The following FBXO22 variants were observed in gnomAD, a reference collection of about 807,000 sequenced individuals.
FBXO22 encodes the protein F-box only protein 22.
FBXO22 carries 13 observed loss-of-function variants against 37.2 expected under a neutral mutation model. That is an observed-to-expected ratio of 0.35 (90% confidence interval 0.23 to 0.56). The LOEUF (loss-of-function observed/expected upper bound fraction) is 0.56, where lower values mean the gene tolerates loss of function less well. Among genes scored for constraint, FBXO22 ranks in the 20% least tolerant of loss-of-function variants. The pLI is 0.87. For synonymous variants in FBXO22, 189 were observed against 189.1 expected (o/e 1.00, Z 0.00); for missense variants, 446 against 509.9 (o/e 0.87, Z 1.21).
chr15:75,930,846 A>G, intron 6 of FBXO22: 2 of 985,230 alleles, frequency 2.0e-6, no homozygotes, highest in Non-Finnish European at 2.4e-6. Context: ...GAGTGGTGAC[A>G]TGGGGACAGA....
intron 2 of FBXO22, among the ~76,000 whole-genome samples, chr15:75,912,201 G>A (rs1413311869): frequency 6.6e-6 from 1 of 151,954 alleles, no homozygotes; most frequent in Non-Finnish European, 1.5e-5. Flanking sequence ...TTTTCATATC[G>A]ATATTCAGGG....
chr15:75,918,565 T>G (rs1280788041), intron 5 of FBXO22, among the ~76,000 whole-genome samples: 2 of 152,198 alleles, frequency 1.3e-5, no homozygotes, highest in Non-Finnish European at 2.9e-5. Context: ...CCATGTTTAT[T>G]GCAGCACTGT....
intron 5 of FBXO22, among the ~76,000 whole-genome samples, chr15:75,918,302 A>G (rs906140141): frequency 6.6e-6 from 1 of 152,020 alleles, no homozygotes; most frequent in Non-Finnish European, 1.5e-5. Context: ...TAGTTTTTAC[A>G]ACTATCCCTG....
At chr15:75,912,478 T>G (rs1351393224) in intron 2 of FBXO22, among the ~76,000 whole-genome samples, 1 of 152,242 alleles carries the variant, frequency 6.6e-6, no homozygotes, top group Non-Finnish European at 1.5e-5. Flanking sequence ...GGATTCGACT[T>G]CTTCCTGGTT....
chr15:75,914,970 T>A (rs1365308838), intron 4 of FBXO22, among the ~76,000 whole-genome samples: 2 of 152,146 alleles, frequency 1.3e-5, no homozygotes, highest in Non-Finnish European at 2.9e-5. Context: ...TAGCTGTCAT[T>A]TATGTATTGT....
At position 75,938,287 on chromosome 15, in the gene FBXO22, TAAA is replaced by T. The variant is rs913164492; in HGVS notation, c.*5190_*5192del. 2 of 151,524 alleles carry T rather than the reference TAAA, an allele frequency of 1.3e-5. No homozygotes were observed. Among genetic ancestry groups the T allele is most frequent in the Non-Finnish European group, 2.9e-5 (2 of 67,836 alleles). 9.4% of individuals were successfully genotyped at this position (151,524 alleles called of 1,614,324 possible). A position where few individuals can be genotyped will look rare whatever the true frequency, so the allele number is the denominator to read the frequency against. ...ACAAATGGATGACAGCTTTTAAAAA[TAAA>T]AAAACAATGAACCAGAAAACCGTGG... On this transcript the variant is annotated 3_prime_UTR_variant, in exon 7 of 7. Coordinates refer to ENST00000308275, the MANE Select transcript of FBXO22 (RefSeq NM_147188.3).
chr15:75,904,166 T>C (rs1407146331), intron 1 of FBXO22, 63 bp downstream of exon 1: 45 of 1,476,562 alleles, frequency 3.0e-5, no homozygotes, highest in Non-Finnish European at 4.1e-5. Flanking sequence ...TGTCCCAGGC[T>C]GGCGGGGTGG....
chr15:75,909,429 A>C (rs996280514), intron 2 of FBXO22, among the ~76,000 whole-genome samples: 29 of 152,186 alleles, frequency 1.9e-4, no homozygotes, highest in African/African-American at 6.8e-4. Flanking sequence ...CCTTGCTGGC[A>C]AGCCTGGAAA....
chr15:75,907,964 A>G (rs1899965658), intron 2 of FBXO22, among the ~76,000 whole-genome samples: 1 of 152,058 alleles, frequency 6.6e-6, no homozygotes, highest in Non-Finnish European at 1.5e-5. Flanking sequence ...AATTTTTTTA[A>G]AGTCCACCAA....
Position 75,942,285 on chromosome 15 carries a change from A to G in FBXO22, c.*9183A>G, listed in dbSNP as rs1368839620. On this transcript the variant is annotated 3_prime_UTR_variant, in exon 7 of 7. Coordinates refer to ENST00000308275, the MANE Select transcript of FBXO22 (RefSeq NM_147188.3). ...ATCCATAAAGACATACAACAAAAAG[A>G]GGACCCTTCATGTAAATTACAGGCT... The G allele has an allele frequency of 6.6e-6, 1 of 152,214 alleles. No individual in the cohort carries two copies. The highest frequency in any genetic ancestry group is 2.4e-5 in the African/African-American group (1 of 41,450). The allele number at this position is 152,214 out of a possible 1,614,324, so 9.4% of individuals were successfully genotyped here. A position where few individuals can be genotyped will look rare whatever the true frequency, so the allele number is the denominator to read the frequency against.
In FBXO22 at chr15:75,906,686, C is replaced by T. The variant is rs148868806; in HGVS notation, c.279+2057C>T. Among the ~76,000 whole-genome samples, 16 of 152,244 alleles carry T rather than the reference C, an allele frequency of 1.1e-4. No individual in the cohort carries two copies. The East Asian group carries it at 2.9e-3, about 28-fold the overall frequency. ...TGTTTGGGCTCTGGAACTCTCATTC[C>T]AGGGAGCTGGCCAGTATCCAAAGGC... On this transcript the variant is annotated intron_variant, in intron 2 of 6. Transcript: ENST00000308275.
chr15:75,933,186 C>A lies in FBXO22; in HGVS notation c.*84C>A. On this transcript the variant is annotated 3_prime_UTR_variant, in exon 7 of 7. Transcript: ENST00000308275. ...AAACTTGGGCCATGTGTATTTCAAA[C>A]AAAAATAACTTTAGATATATCTTTT... 1.7e-6 allele frequency: 2 copies of A among 1,161,060 alleles called. No homozygotes were observed. The highest frequency in any genetic ancestry group is 2.4e-6 in the Non-Finnish European group (2 of 821,036). The allele number at this position is 1,161,060 out of a possible 1,614,324, so 71.9% of individuals were successfully genotyped here.
chr15:75,910,467 G>C (rs1370122820), intron 2 of FBXO22: 1 of 152,118 alleles, frequency 6.6e-6, no homozygotes, highest in Non-Finnish European at 1.5e-5. Context: ...ACTCTAACTG[G>C]CATGAGATGG....
intron 2 of FBXO22, among the ~76,000 whole-genome samples, 197 bp downstream of exon 2, chr15:75,904,826 C>CTTTTTT (rs3991408): frequency 7.3e-6 from 1 of 136,116 alleles, no homozygotes. Context: ...AATGTTGGGC[C>CTTTTTT]TTTTTTTTTT....
At chr15:75,904,300 G>A (rs779526889) in intron 1 of FBXO22, 191 bp from the exon 2 acceptor site, 20 of 1,093,180 alleles carry the variant, frequency 1.8e-5, no homozygotes, top group Non-Finnish European at 2.6e-5. Flanking sequence ...GAGGGGCGAA[G>A]TTCCCCTTAA....
In FBXO22 at chr15:75,933,150, T is replaced by C. The variant is rs763512213; in HGVS notation, c.*48T>C. 1 of 1,499,722 alleles carries C rather than the reference T, an allele frequency of 6.7e-7. No homozygotes were observed. The highest frequency in any genetic ancestry group is 1.4e-5 in the African/African-American group (1 of 71,362). 92.9% of individuals were successfully genotyped at this position (1,499,722 alleles called of 1,614,324 possible). ...ATGTAACTTTTGGGTTCTGCCTTTT[T>C]CAGAAAATGGAAACTTGGGCCATGT... On this transcript the variant is annotated 3_prime_UTR_variant, in exon 7 of 7. Coordinates refer to ENST00000308275, the MANE Select transcript of FBXO22 (RefSeq NM_147188.3).
rs1254242060 is a variant in FBXO22 at position 75,938,493 on chromosome 15, A to G, written c.*5391A>G. On this transcript the variant is annotated 3_prime_UTR_variant, in exon 7 of 7. Transcript: ENST00000308275. ...TAAACTAGACATATACTTTAACTCA[A>G]ATATGCCCAAAGAACTAAAGGAAAA... The G allele has an allele frequency of 6.6e-6, 1 of 152,222 alleles. No individual in the cohort carries two copies. The highest frequency in any genetic ancestry group is 2.4e-5 in the African/African-American group (1 of 41,458). 9.4% of individuals were successfully genotyped at this position (152,222 alleles called of 1,614,324 possible).
chr15:75,916,212 A>C (rs1595913773), intron 4 of FBXO22, among the ~76,000 whole-genome samples: 1 of 152,174 alleles, frequency 6.6e-6, no homozygotes, highest in Non-Finnish European at 1.5e-5. Context: ...TTATATATGT[A>C]TGTAAATATA....
At chr15:75,920,925 A>G (rs374563948) in intron 5 of FBXO22, among the ~76,000 whole-genome samples, 37 of 152,244 alleles carry the variant, frequency 2.4e-4, no homozygotes, top group South Asian at 6.2e-4. Context: ...TGAAGAATAC[A>G]TATACAGTCA....
Sources: gnomAD v4.1 joint callset for allele counts (sites outside exome capture counted in the v4.1 genomes callset) on GRCh38, gnomAD v4.1.1 for gene constraint, MANE v1.5 for transcripts, NCBI Gene and HGNC (gene_info 2026-07-23, HGNC 2026-07-21) for gene names.